Variants in EYA4 observed in about 807,000 individuals in gnomAD.
The protein encoded by EYA4 is protein phosphatase EYA4.
A neutral mutation model predicts 87.9 loss-of-function variants in EYA4; 31 were observed. The observed-to-expected ratio is 0.35, with a 90% CI of 0.27 to 0.48. The LOEUF is 0.48. Among genes scored for constraint, EYA4 ranks in the 20% least tolerant of loss-of-function variants. The pLI, the probability that EYA4 is intolerant of heterozygous loss-of-function variation, is 0.99. For synonymous variants in EYA4, 263 were observed against 270.6 expected (o/e 0.97, Z 0.28); for missense variants, 678 against 761.4 (o/e 0.89, Z 1.29).
intron 2 of EYA4, among the ~76,000 whole-genome samples, chr6:133,323,045 ATATC>A (rs1473163537): frequency 6.6e-6 from 1 of 151,010 alleles, no homozygotes; most frequent in Non-Finnish European, 1.5e-5. Flanking sequence ...TTTATTCTCT[ATATC>A]TATGTCTATA....
At chr6:133,400,196 C>T (rs922642523) in intron 3 of EYA4, among the ~76,000 whole-genome samples, 2 of 152,130 alleles carry the variant, frequency 1.3e-5, no homozygotes, top group African/African-American at 2.4e-5. Context: ...AAAGTATACA[C>T]TGATACAGAT....
chr6:133,442,680 G>A (rs1210163083), intron 3 of EYA4, among the ~76,000 whole-genome samples: 1 of 151,944 alleles, frequency 6.6e-6, no homozygotes, highest in African/African-American at 2.4e-5. Context: ...GTCTTGTACT[G>A]GCTAAGATTG....
At chr6:133,307,380 C>G (rs1779891536) in intron 2 of EYA4, among the ~76,000 whole-genome samples, 1 of 152,062 alleles carries the variant, frequency 6.6e-6, no homozygotes, top group Admixed American at 6.6e-5. Flanking sequence ...CAGAAATGCC[C>G]CATCTGTTGG....
intron 2 of EYA4, among the ~76,000 whole-genome samples, chr6:133,373,763 T>C (rs1361293463): frequency 6.6e-6 from 1 of 152,132 alleles, no homozygotes; most frequent in African/African-American, 2.4e-5. Context: ...TTTAGGTGTT[T>C]GTTTATCATG....
intron 2 of EYA4, among the ~76,000 whole-genome samples, chr6:133,342,625 G>C (rs1456772968): frequency 8.8e-6 from 1 of 113,736 alleles, no homozygotes; most frequent in Non-Finnish European, 1.8e-5. Context: ...ATTTCTCTGG[G>C]CTTAACTGAA....
At chr6:133,330,539 A>G (rs1209465419) in intron 2 of EYA4, among the ~76,000 whole-genome samples, 1 of 136,074 alleles carries the variant, frequency 7.3e-6, no homozygotes, top group Non-Finnish European at 1.5e-5. Context: ...CTACAATTTT[A>G]TACTGAGATT....
Position 133,530,888 on chromosome 6 carries a change from G to A in EYA4, c.*2083G>A, listed in dbSNP as rs893044924. 6.6e-5 allele frequency: 70 copies of A among 1,067,412 alleles called. No individual in the cohort carries two copies. The highest frequency in any genetic ancestry group is 4.2e-4 in the Middle Eastern group (1 of 2,374). 66.1% of individuals were successfully genotyped at this position (1,067,412 alleles called of 1,614,324 possible). A position where few individuals can be genotyped will look rare whatever the true frequency, so the allele number is the denominator to read the frequency against. ...TTATACTTCTGTTGGCCCTTAGCTT[G>A]AAAATAGCAGTTAAAAAAATTTAAA... On this transcript the variant is annotated 3_prime_UTR_variant, in exon 20 of 20. Transcript: ENST00000355286.
At chr6:133,272,504 T>C (rs1332369521) in intron 1 of EYA4, among the ~76,000 whole-genome samples, 2 of 152,206 alleles carry the variant, frequency 1.3e-5, no homozygotes, top group African/African-American at 4.8e-5. Context: ...CCAGTTAAGG[T>C]TGCATAGTGA....
At chr6:133,274,021 G>T (rs1776960081) in intron 1 of EYA4, among the ~76,000 whole-genome samples, 2 of 151,928 alleles carry the variant, frequency 1.3e-5, no homozygotes, top group African/African-American at 2.4e-5. Flanking sequence ...CCTCTATCTG[G>T]GGATTTAAAA....
chr6:133,497,011 C>T (rs1041512486), intron 13 of EYA4, among the ~76,000 whole-genome samples: 8 of 152,124 alleles, frequency 5.3e-5, no homozygotes, highest in Admixed American at 3.9e-4. Flanking sequence ...TTCCTCTCCC[C>T]GCACCCATAA....
intron 1 of EYA4, among the ~76,000 whole-genome samples, chr6:133,273,279 C>G (rs1776888622): frequency 1.3e-5 from 2 of 151,948 alleles, no homozygotes; most frequent in African/African-American, 4.8e-5. Flanking sequence ...AAGATGTAGG[C>G]TGGGAAGCTA....
rs186537121 is a variant in EYA4, at chr6:133,355,981, T to A, written c.34-26411T>A. On this transcript the variant is annotated intron_variant, in intron 2 of 19. Transcript: ENST00000355286. The stretch of plus-strand genomic sequence containing the variant: ...GCTCAAGATCAAGGTGCCAGCATGA[T>A]CAATTTCTGGTGAGGGCTTTCTTCC... Among the ~76,000 whole-genome samples the A allele has an allele frequency of 5.9e-5, 9 of 151,394 alleles. No individual in the cohort carries two copies. The East Asian group carries it at 1.8e-3, about 29-fold the overall frequency.
intron 13 of EYA4, among the ~76,000 whole-genome samples, chr6:133,486,493 G>T (rs1046295782): frequency 6.6e-6 from 1 of 151,308 alleles, no homozygotes; most frequent in African/African-American, 2.5e-5. Flanking sequence ...CAAATAGTTA[G>T]TAATATCAAT....
At chr6:133,314,092 AATGGAGGTAC>A (rs1244253421) in intron 2 of EYA4, among the ~76,000 whole-genome samples, 1 of 152,216 alleles carries the variant, frequency 6.6e-6, no homozygotes, top group African/African-American at 2.4e-5. Flanking sequence ...TAAAGCTATC[AATGGAGGTAC>A]ATATGTGGTT....
intron 2 of EYA4, among the ~76,000 whole-genome samples, chr6:133,293,921 C>T (rs1778697466): frequency 6.7e-6 from 1 of 149,752 alleles, no homozygotes; most frequent in Non-Finnish European, 1.5e-5. Flanking sequence ...CACTGCACTC[C>T]ATCCTCGGAG....
At chr6:133,354,397 T>C (rs1783861326) in intron 2 of EYA4, among the ~76,000 whole-genome samples, 1 of 152,134 alleles carries the variant, frequency 6.6e-6, no homozygotes, top group Non-Finnish European at 1.5e-5. Flanking sequence ...ATAGCAATAA[T>C]AATTGTCCTA....
chr6:133,512,837 A>C (rs1321456531), intron 15 of EYA4, 41 bp from the exon 16 acceptor site: 2 of 1,613,088 alleles, frequency 1.2e-6, no homozygotes, highest in African/African-American at 2.7e-5. Context: ...GGAGTTTTGC[A>C]CATGTAATTA....
chr6:133,257,545 T>C (rs536053665), intron 1 of EYA4, among the ~76,000 whole-genome samples: 1 of 152,218 alleles, frequency 6.6e-6, no homozygotes, highest in African/African-American at 2.4e-5. Context: ...GAAAATGTAT[T>C]ATACAAACTA....
Position 133,412,843 on chromosome 6 carries a change from C to T in EYA4, c.83+30402C>T, listed in dbSNP as rs111360263. ...GGCTGCTGGTTGTTTTTGCTGTCCT[C>T]TTCATCGGACTTCCTTTGGTGGGTT... On this transcript the variant is annotated intron_variant, in intron 3 of 19. Coordinates refer to ENST00000355286, the MANE Select transcript of EYA4 (RefSeq NM_004100.5). Among the ~76,000 whole-genome samples the T allele has an allele frequency of 8.1e-4, 124 of 152,210 alleles. 2 individuals are homozygous for T. In the Middle Eastern group the frequency reaches 0.014, roughly 17 times the overall value.
Sources: gnomAD v4.1 joint callset for allele counts (sites outside exome capture counted in the v4.1 genomes callset) on GRCh38, gnomAD v4.1.1 for gene constraint, MANE v1.5 for transcripts, NCBI Gene and HGNC (gene_info 2026-07-23, HGNC 2026-07-21) for gene names.